COL23A1: variants seen among roughly 807,000 people sequenced by gnomAD.
The protein encoded by COL23A1 is collagen type XXIII alpha 1 chain.
COL23A1 carries 97 observed loss-of-function variants against 99.3 expected under a neutral mutation model. The observed-to-expected ratio is 0.98, with a 90% confidence interval of 0.83 to 1.16. The LOEUF (loss-of-function observed/expected upper bound fraction) is 1.16. COL23A1 is among the 50% of genes most tolerant of loss of function. The probability of loss-of-function intolerance (pLI) is 0.00; values close to 1 mark genes in which losing one functional copy is unlikely to be tolerated. For missense variants in COL23A1, 762 were observed against 757.4 expected (o/e 1.01, Z -0.07); for synonymous variants, 320 against 308.2 (o/e 1.04, Z -0.40).
chr5:178,407,700 T>C (rs894776692), intron 2 of COL23A1, among the ~76,000 whole-genome samples: 1 of 152,056 alleles, frequency 6.6e-6, no homozygotes, highest in Non-Finnish European at 1.5e-5. Flanking sequence ...AAAATTTCAA[T>C]GGAGGGCTCA....
At chr5:178,466,164 G>A (rs1345276218) in intron 2 of COL23A1, among the ~76,000 whole-genome samples, 1 of 152,056 alleles carries the variant, frequency 6.6e-6, no homozygotes, top group Non-Finnish European at 1.5e-5. Context: ...CGGTGTTGGA[G>A]GCCTTCTAAA....
At chr5:178,473,617 A>G (rs1756878795) in intron 2 of COL23A1, among the ~76,000 whole-genome samples, 1 of 151,968 alleles carries the variant, frequency 6.6e-6, no homozygotes, top group African/African-American at 2.4e-5. Context: ...GAGGGATTTG[A>G]GCATCTCTGG....
chr5:178,456,813 G>T (rs1311844934), intron 2 of COL23A1, among the ~76,000 whole-genome samples: 1 of 151,546 alleles, frequency 6.6e-6, no homozygotes, highest in Non-Finnish European at 1.5e-5. Context: ...CGTAACGAAG[G>T]ATTGTTTTTC....
chr5:178,579,108 C>T (rs572209185), intron 1 of COL23A1, among the ~76,000 whole-genome samples: 1 of 152,116 alleles, frequency 6.6e-6, no homozygotes, highest in Non-Finnish European at 1.5e-5. Context: ...TTTTTTGCTT[C>T]TGTATATCCT....
intron 2 of COL23A1, among the ~76,000 whole-genome samples, chr5:178,433,840 T>C (rs1766399202): frequency 6.6e-6 from 1 of 152,212 alleles, no homozygotes; most frequent in African/African-American, 2.4e-5. Context: ...TTTTTGGAGA[T>C]GGAAACTTTA....
At chr5:178,256,955 G>GC in intron 13 of COL23A1, 27 bp from the exon 14 acceptor site, 3 of 1,610,890 alleles carry the variant, frequency 1.9e-6, no homozygotes, top group Non-Finnish European at 2.5e-6. Context: ...TGCAGTGAGA[G>GC]CAAGTGTGAG....
At chr5:178,246,897 G>A (rs1175552239) in intron 22 of COL23A1, among the ~76,000 whole-genome samples, 2 of 152,222 alleles carry the variant, frequency 1.3e-5, no homozygotes, top group African/African-American at 4.8e-5. Context: ...ACCTGGTGGG[G>A]CTGCAGGCTC....
chr5:178,349,226 G>A (rs1761164982), intron 2 of COL23A1, among the ~76,000 whole-genome samples: 1 of 152,138 alleles, frequency 6.6e-6, no homozygotes, highest in Non-Finnish European at 1.5e-5. Flanking sequence ...AACCAGCAAT[G>A]AGTTGAGACC....
chr5:178,304,283 C>A (rs545466988), intron 3 of COL23A1, among the ~76,000 whole-genome samples: 2 of 152,016 alleles, frequency 1.3e-5, no homozygotes, highest in Non-Finnish European at 2.9e-5. Context: ...CCAAGGCGGG[C>A]GGATCACTTG....
chr5:178,472,221 G>A (rs1581454031), intron 2 of COL23A1, among the ~76,000 whole-genome samples: 1 of 152,232 alleles, frequency 6.6e-6, no homozygotes, highest in African/African-American at 2.4e-5. Context: ...TGGAAAAGCT[G>A]TGGGAAAGGG....
chr5:178,364,084 GCCCCGGGTC>G (rs1561904345), intron 2 of COL23A1, among the ~76,000 whole-genome samples: 6 of 152,168 alleles, frequency 3.9e-5, no homozygotes, highest in African/African-American at 1.4e-4. Context: ...CCTCGGTCCC[GCCCCGGGTC>G]ACATGGGGAG....
intron 2 of COL23A1, among the ~76,000 whole-genome samples, chr5:178,498,222 A>C (rs1562025387): frequency 1.2e-5 from 1 of 83,208 alleles, no homozygotes; most frequent in Admixed American, 1.2e-4. Flanking sequence ...ATATATATAT[A>C]TATATATATA....
intron 8 of COL23A1, 94 bp downstream of exon 8, chr5:178,267,213 G>A (rs748818539): frequency 1.9e-5 from 25 of 1,345,468 alleles, no homozygotes; most frequent in Admixed American, 5.2e-5. Flanking sequence ...GATGAGCTGC[G>A]GGGAGCTGGG....
intron 1 of COL23A1, among the ~76,000 whole-genome samples, chr5:178,579,411 T>C (rs140242173): frequency 2.0e-5 from 3 of 152,278 alleles, no homozygotes; most frequent in Non-Finnish European, 4.4e-5. Flanking sequence ...AGCTGGAAAA[T>C]AGCAGTGCTG....
chr5:178,393,460 A>T (rs1764073058), intron 2 of COL23A1, among the ~76,000 whole-genome samples: 1 of 152,164 alleles, frequency 6.6e-6, no homozygotes, highest in Non-Finnish European at 1.5e-5. Flanking sequence ...TGGTTGCACA[A>T]CAACGTGAAT....
rs904763880 is a variant in COL23A1 at position 178,522,434 on chromosome 5, C to T, written c.361+38248G>A. 2.8e-4 allele frequency among the ~76,000 whole-genome samples: 42 copies of T among 152,116 alleles called. 2 individuals are homozygous for T. Among genetic ancestry groups the T allele is most frequent in the African/African-American group, 9.4e-4 (39 of 41,412 alleles). ...GAAGTCATCTACCACACCCTAGGAC[C>T]GGGGAATAACTCGCCACGCTTCCCC... is the stretch of plus-strand genomic sequence containing the variant. On this transcript the variant is annotated intron_variant, in intron 2 of 28. Coordinates refer to ENST00000390654, the MANE Select transcript of COL23A1 (RefSeq NM_173465.4).
chr5:178,342,537 T>A (rs910438492), intron 2 of COL23A1, among the ~76,000 whole-genome samples: 1 of 152,182 alleles, frequency 6.6e-6, no homozygotes, highest in African/African-American at 2.4e-5. Flanking sequence ...TTCCCTGGGT[T>A]GAGTGATGCC....
Position 178,252,560 on chromosome 5 carries a change from C to A in COL23A1, c.998G>T (p.Gly333Val). The A allele has an allele frequency of 6.2e-7, 1 of 1,611,730 alleles. No individual in the cohort carries two copies. Reference protein sequence around the residue: ...PGPQGPPGPPGIPGAKGELGL... With the variant: ...PGPQGPPGPPVIPGAKGELGL... The stretch of plus-strand genomic sequence containing the variant: ...TGCACTGACCTTGGCTCCAGGGATC[C>A]CTGGTGGCCCTGGGGGCCCCTGTGG... Residue 333 changes from glycine to valine, a missense_variant, in exon 17 of 29, where the codon GGG (glycine) becomes GTG (valine). Gly to Val is a moderately radical substitution (Grantham distance 109, BLOSUM62 -3). Coordinates refer to ENST00000390654, the MANE Select transcript of COL23A1 (RefSeq NM_173465.4).
chr5:178,464,048 T>C lies in COL23A1; in HGVS notation c.361+96634A>G, dbSNP rs900082566. 3.9e-5 allele frequency among the ~76,000 whole-genome samples: 6 copies of C among 152,310 alleles called. No homozygotes were observed. The East Asian group carries it at 1.2e-3, about 29-fold the overall frequency. ...GAGCTGTTCACCTACCCCCTTTTAC[T>C]GCCGTAACATACACATAACACAAAA... On this transcript the variant is annotated intron_variant, in intron 2 of 28. Coordinates refer to ENST00000390654, the MANE Select transcript of COL23A1 (RefSeq NM_173465.4).
Sources: allele counts gnomAD v4.1 joint callset (sites outside exome capture counted in the v4.1 genomes callset), GRCh38; gene constraint gnomAD v4.1.1; transcripts MANE v1.5; gene names NCBI Gene and HGNC (gene_info 2026-07-23, HGNC 2026-07-21).